The following FAT1 variants were observed in gnomAD, a reference collection of about 807,000 sequenced individuals.
The protein encoded by FAT1 is protocadherin Fat 1.
FAT1 carries 171 observed loss-of-function variants against 329.8 expected under a neutral mutation model. The observed-to-expected ratio is 0.52, with a 90% CI of 0.46 to 0.59. FAT1 has a LOEUF of 0.59. Among genes scored for constraint, FAT1 ranks in the 20% least tolerant of loss-of-function variants. The probability of loss-of-function intolerance (pLI) is 0.00; values close to 1 mark genes in which losing one functional copy is unlikely to be tolerated. For missense variants in FAT1, 5,672 were observed against 5,774.4 expected, an observed-to-expected ratio of 0.98 and a Z score of 0.57; for synonymous variants, 2,233 against 2,228.6, an observed-to-expected ratio of 1.00 and a Z score of -0.06.
chr4:186,700,616 C>T (rs1171831685), intron 2 of FAT1, among the ~76,000 whole-genome samples: 4 of 151,988 alleles, frequency 2.6e-5, no homozygotes, highest in Non-Finnish European at 4.4e-5. Context: ...CTTCACTAGT[C>T]GTTTTTGAAC....
chr4:186,635,146 T>C (rs1345185381), intron 6 of FAT1, among the ~76,000 whole-genome samples: 1 of 152,200 alleles, frequency 6.6e-6, no homozygotes, highest in Non-Finnish European at 1.5e-5. Flanking sequence ...TGGCCTGACA[T>C]GCCCAGTGGT....
intron 5 of FAT1, among the ~76,000 whole-genome samples, 171 bp from the exon 6 acceptor site, chr4:186,636,406 C>T (rs1248844691): frequency 6.6e-6 from 1 of 152,154 alleles, no homozygotes; most frequent in East Asian, 1.9e-4. Flanking sequence ...TGACCACATT[C>T]AACATAAACA....
chr4:186,633,622 C>G, intron 7 of FAT1, 62 bp downstream of exon 7: 1 of 1,594,610 alleles, frequency 6.3e-7, no homozygotes, highest in Non-Finnish European at 8.6e-7. Context: ...GCCCGTGGAC[C>G]CCTAAGTCAG....
chr4:186,655,523 C>T (rs1442245704), intron 3 of FAT1, among the ~76,000 whole-genome samples: 1 of 151,816 alleles, frequency 6.6e-6, no homozygotes, highest in Non-Finnish European at 1.5e-5. Context: ...CAACCTCTGC[C>T]TCCTGGGTTC....
At chr4:186,607,678 G>A (rs981649826) in intron 16 of FAT1, among the ~76,000 whole-genome samples, 2 of 151,698 alleles carry the variant, frequency 1.3e-5, no homozygotes, top group South Asian at 4.2e-4. Context: ...TGGGTGGGTG[G>A]ACAGGTCGGT....
intron 12 of FAT1, 132 bp downstream of exon 12, chr4:186,614,058 TC>T: frequency 1.4e-6 from 1 of 697,132 alleles, no homozygotes; most frequent in South Asian, 2.4e-5. Flanking sequence ...CTAAGAGATG[TC>T]AACTTCGGAG....
At chr4:186,712,661 C>A (rs747788282) in intron 1 of FAT1, among the ~76,000 whole-genome samples, 1 of 152,130 alleles carries the variant, frequency 6.6e-6, no homozygotes, top group African/African-American at 2.4e-5. Context: ...AAAGAGGGAA[C>A]CCTAAATCCA....
chr4:186,686,041 C>T (rs1192294212), intron 2 of FAT1, among the ~76,000 whole-genome samples: 3 of 152,154 alleles, frequency 2.0e-5, no homozygotes, highest in African/African-American at 7.2e-5. Flanking sequence ...GGGCAGTCAG[C>T]AAATAAAGGC....
rs769270529 is a variant in FAT1, at chr4:186,621,677, C to A, written c.4909G>T (p.Val1637Leu). The change falls in exon 10 of 27, where the codon GTA (valine) becomes TTA (leucine). Residue 1637 changes from valine to leucine, a missense_variant. Transcript: ENST00000441802. Reference protein sequence around the residue: ...RSNQAEYDLMVKATDKGSPPM... With the variant: ...RSNQAEYDLMLKATDKGSPPM... The stretch of plus-strand genomic sequence containing the variant: ...GGACTGCCCTTATCTGTAGCTTTTA[C>A]CATTAAATCATACTCCGCTTGGTTA... The A allele has an allele frequency of 4.3e-6, 7 of 1,613,924 alleles. No individual in the cohort carries two copies. In the South Asian group the frequency reaches 4.4e-5, roughly 10 times the overall value.
chr4:186,668,845 T>C (rs1234620032), intron 2 of FAT1, among the ~76,000 whole-genome samples: 1 of 152,050 alleles, frequency 6.6e-6, no homozygotes, highest in Non-Finnish European at 1.5e-5. Context: ...AAAATAAAAC[T>C]AAAGACATCC....
At chr4:186,696,953 G>C (rs2126668570) in intron 2 of FAT1, among the ~76,000 whole-genome samples, 1 of 152,282 alleles carries the variant, frequency 6.6e-6, no homozygotes, top group African/African-American at 2.4e-5. Context: ...CAACTTGGAG[G>C]TGCAGGCTGC....
intron 3 of FAT1, among the ~76,000 whole-genome samples, chr4:186,642,092 T>A (rs766349613): frequency 2.0e-5 from 3 of 152,152 alleles, no homozygotes; most frequent in Non-Finnish European, 4.4e-5. Context: ...TGTTCTATAC[T>A]CCTCAAATTA....
Position 186,707,074 on chromosome 4 carries a change from T to C in FAT1, c.2754A>G (p.Glu918=), listed in dbSNP as rs1449995118. ...ATGTAGGTGGGTTGTCATTAACATC[T>C]TCTAGTGATACTTTCACAACGACAG... The part of the protein sequence containing the change: ...FSTVVVKVSL[E]DVNDNPPTFI... The change falls in exon 2 of 27, where the codon GAA becomes GAG. Residue 918 remains glutamate (E), a synonymous_variant. Coordinates refer to ENST00000441802, the MANE Select transcript of FAT1 (RefSeq NM_005245.4). 1 of 1,613,990 alleles carries C rather than the reference T, an allele frequency of 6.2e-7. No homozygotes were observed. Among genetic ancestry groups the C allele is most frequent in the Non-Finnish European group, 8.5e-7 (1 of 1,179,884 alleles).
intron 2 of FAT1, among the ~76,000 whole-genome samples, chr4:186,682,526 C>CAAAGAAAAAAAAAAAA (rs1743268244): frequency 8.4e-6 from 1 of 119,706 alleles, no homozygotes; most frequent in African/African-American, 3.9e-5. Flanking sequence ...GACTCTGTCT[C>CAAAGAAAAAAAAAAAA]AAAAAAAAAA....
rs777785428 is a variant in FAT1, at chr4:186,628,633, T to C, written c.4454A>G (p.Glu1485Gly). 18 of 1,613,516 alleles carry C rather than the reference T, an allele frequency of 1.1e-5. No individual in the cohort carries two copies. The highest frequency in any genetic ancestry group is 1.7e-5 in the Admixed American group (1 of 59,996). ...ILQISAVDQD[E>G]KNKLIYTLQS... ...CAGAGTGTAGATTAGTTTGTTTTTCTCATCCTGATCCACAGCACTGATTTG... is the reference window on the plus strand; with the variant it reads ...CAGAGTGTAGATTAGTTTGTTTTTCCCATCCTGATCCACAGCACTGATTTG... Residue 1485 changes from glutamate to glycine, a missense_variant, in exon 8 of 27, where the codon GAG (glutamate) becomes GGG (glycine). Physicochemically the swap from Glu to Gly is moderately conservative, Grantham distance 98. Coordinates refer to ENST00000441802, the MANE Select transcript of FAT1 (RefSeq NM_005245.4).
chr4:186,604,550 C>T lies in FAT1; in HGVS notation c.10375G>A (p.Val3459Met), dbSNP rs199593181. 4.8e-4 allele frequency: 774 copies of T among 1,609,592 alleles called. 1 individual carries two copies. Among genetic ancestry groups the T allele is most frequent in the Non-Finnish European group, 5.8e-4 (685 of 1,178,414 alleles). Reference protein sequence around the residue: ...IQENKPVGFSVLQLVVTDEDS... With the variant: ...IQENKPVGFSMLQLVVTDEDS... ...TCATCTGTTACTACCAGCTGCAGCA[C>T]GCTGAAGCCCACTGGCTTATTTTCC... The change falls in exon 18 of 27, where the codon GTG (valine) becomes ATG (methionine). Residue 3459 changes from valine to methionine, a missense_variant. Val to Met is a conservative substitution (Grantham distance 21). Around this residue, in one of 2 missense-constraint regions of FAT1, gnomAD observed 1,706 missense variants for 1,859.1 expected, o/e 0.92. Coordinates refer to ENST00000441802, the MANE Select transcript of FAT1 (RefSeq NM_005245.4).
Position 186,707,391 on chromosome 4 carries a change from C to A in FAT1, c.2437G>T (p.Val813Phe), listed in dbSNP as rs1254197744. The A allele has an allele frequency of 1.2e-6, 2 of 1,613,992 alleles. No individual in the cohort carries two copies. The highest frequency in any genetic ancestry group is 2.2e-5 in the South Asian group (2 of 91,078). Residue 813 changes from valine (V) to phenylalanine (F), a missense_variant, in exon 2 of 27, where the codon GTC becomes TTC. Around this residue, in one of 2 missense-constraint regions of FAT1, gnomAD observed 3,966 missense variants for 3,915.2 expected, o/e 1.01. Transcript: ENST00000441802. The stretch of plus-strand genomic sequence containing the variant: ...TCGGGTGGATTATCATTGGCATCGA[C>A]AACCACGACATGTAGAAGACGCCAC... Reference protein sequence around the residue: ...AAWRLLHVVVVDANDNPPEFL... With the variant: ...AAWRLLHVVVFDANDNPPEFL...
Position 186,706,834 on chromosome 4 carries a change from A to G in FAT1, c.2994T>C (p.Asn998=). ...QLDFEKKQVY[N]LTVRAKDKGK... is the part of the protein sequence containing the mutation. ...CCTTGTCTTTGGCCCTCACAGTGAGATTATACACTTGCTTCTTCTCAAAGT... is the reference window on the plus strand; with the variant it reads ...CCTTGTCTTTGGCCCTCACAGTGAGGTTATACACTTGCTTCTTCTCAAAGT... The change falls in exon 2 of 27, where the codon AAT becomes AAC. Residue 998 remains asparagine, a synonymous_variant. Transcript: ENST00000441802. 6.2e-7 allele frequency: 1 copy of G among 1,613,966 alleles called. No homozygotes were observed.
At position 186,636,787 on chromosome 4, in the gene FAT1, C is replaced by T. The variant is rs188188069; in HGVS notation, c.3770G>A (p.Arg1257Gln). 132 of 1,613,938 alleles carry T rather than the reference C, an allele frequency of 8.2e-5. No individual in the cohort carries two copies. The East Asian group carries it at 1.4e-3, about 17-fold the overall frequency. Residue 1257 changes from arginine (R) to glutamine (Q), a missense_variant, in exon 5 of 27, where the codon CGG becomes CAG. Arg to Gln is a conservative substitution (Grantham distance 43). Around this residue, in one of 2 missense-constraint regions of FAT1, gnomAD observed 3,966 missense variants for 3,915.2 expected, o/e 1.01. Coordinates refer to ENST00000441802, the MANE Select transcript of FAT1 (RefSeq NM_005245.4). The part of the protein sequence containing the change: ...QKFYKIRLPE[R>Q]EKPDRERNAR... Reference sequence around the variant, plus strand: ...ATTTCTTTCTCGGTCTGGCTTTTCCCGCTCAGGGAGTCTGATTTTGTAGAA... The same window carrying T: ...ATTTCTTTCTCGGTCTGGCTTTTCCTGCTCAGGGAGTCTGATTTTGTAGAA...
Sources: gnomAD v4.1 joint callset for allele counts (sites outside exome capture counted in the v4.1 genomes callset) on GRCh38, gnomAD v4.1.1 for gene constraint, gnomAD v4.1.1 regional missense constraint, MANE v1.5 for transcripts, NCBI Gene and HGNC (gene_info 2026-07-23, HGNC 2026-07-21) for gene names.